The following TXNDC16 variants were observed in gnomAD, a reference collection of about 807,000 sequenced individuals.
TXNDC16 encodes the protein thioredoxin domain containing 16, also known as thioredoxin domain-containing protein 16.
TXNDC16 carries 74 observed loss-of-function variants against 85.6 expected under a neutral mutation model. That is an observed-to-expected ratio of 0.86 (90% confidence interval 0.72 to 1.05). The LOEUF (loss-of-function observed/expected upper bound fraction) is 1.05, where lower values mean the gene tolerates loss of function less well. Ranked by LOEUF, TXNDC16 falls within the 50% of genes least tolerant of loss-of-function variation. The pLI is 0.00. For missense variants in TXNDC16, 959 were observed against 947.0 expected (o/e 1.01, Z -0.17); for synonymous variants, 335 against 326.5 (o/e 1.03, Z -0.28).
At chr14:52,495,847 A>G (rs1374747855) in intron 9 of TXNDC16, among the ~76,000 whole-genome samples, 3 of 152,018 alleles carry the variant, frequency 2.0e-5, no homozygotes, top group Admixed American at 6.6e-5. Flanking sequence ...ATTCCTCTCA[A>G]TCTGAAGACC....
At chr14:52,525,345 T>C (rs1217333774) in intron 6 of TXNDC16, among the ~76,000 whole-genome samples, 1 of 152,046 alleles carries the variant, frequency 6.6e-6, no homozygotes, top group Non-Finnish European at 1.5e-5. Context: ...GCTGCAAGTA[T>C]AACACATAAG....
At chr14:52,517,214 A>C (rs1265399400) in intron 7 of TXNDC16, among the ~76,000 whole-genome samples, 1 of 152,022 alleles carries the variant, frequency 6.6e-6, no homozygotes, top group East Asian at 1.9e-4. Flanking sequence ...AATCTTTATA[A>C]TAATTTCCCT....
chr14:52,532,440 T>C (rs1415240178), intron 6 of TXNDC16, among the ~76,000 whole-genome samples: 1 of 151,864 alleles, frequency 6.6e-6, no homozygotes, highest in Non-Finnish European at 1.5e-5. Flanking sequence ...ACAGTTCAAA[T>C]CTATTTTTTT....
chr14:52,502,777 AT>A (rs1189687913), intron 9 of TXNDC16, among the ~76,000 whole-genome samples: 47 of 152,332 alleles, frequency 3.1e-4, no homozygotes, highest in Non-Finnish European at 8.8e-5. Flanking sequence ...AGGGTGACGC[AT>A]CGCATCACCC....
At chr14:52,503,109 C>T (rs888934377) in intron 9 of TXNDC16, among the ~76,000 whole-genome samples, 4 of 152,226 alleles carry the variant, frequency 2.6e-5, no homozygotes, top group Admixed American at 1.3e-4. Flanking sequence ...CCCACCACAG[C>T]TCAAGGAGGC....
Position 52,552,439 on chromosome 14 carries a change from G to A in TXNDC16, c.-305C>T, listed in dbSNP as rs1349513087. ...CCGTGCCAGACTAGCCGGGTAGCCTGGAACCACTTCGCCAACCTGCAAAGG... is the reference window on the plus strand; with the variant it reads ...CCGTGCCAGACTAGCCGGGTAGCCTAGAACCACTTCGCCAACCTGCAAAGG... On this transcript the variant is annotated 5_prime_UTR_variant, in exon 1 of 21. Coordinates refer to ENST00000281741, the MANE Select transcript of TXNDC16 (RefSeq NM_020784.3). The A allele has an allele frequency of 6.6e-6, 1 of 152,200 alleles. No homozygotes were observed. The highest frequency in any genetic ancestry group is 1.5e-5 in the Non-Finnish European group (1 of 68,052). The allele number at this position is 152,200 out of a possible 1,614,324, so 9.4% of individuals were successfully genotyped here. A position where few individuals can be genotyped will look rare whatever the true frequency, so the allele number is the denominator to read the frequency against.
chr14:52,530,022 T>A (rs1367933507), intron 6 of TXNDC16, among the ~76,000 whole-genome samples: 10 of 105,338 alleles, frequency 9.5e-5, no homozygotes, highest in African/African-American at 3.5e-4. Context: ...ATATATTATA[T>A]GTTATAATTA....
chr14:52,509,802 C>T (rs2036911418), intron 9 of TXNDC16, among the ~76,000 whole-genome samples: 1 of 151,752 alleles, frequency 6.6e-6, no homozygotes, highest in Non-Finnish European at 1.5e-5. Context: ...GACAATAAAA[C>T]CCCATCTCTA....
intron 1 of TXNDC16, among the ~76,000 whole-genome samples, chr14:52,551,750 T>C (rs894425301): frequency 1.3e-5 from 2 of 151,696 alleles, no homozygotes; most frequent in East Asian, 3.9e-4. Context: ...ACACAGCATG[T>C]ATTTTCTCTC....
chr14:52,471,743 C>T (rs577197046), intron 14 of TXNDC16, among the ~76,000 whole-genome samples: 82 of 151,902 alleles, frequency 5.4e-4, no homozygotes, highest in African/African-American at 1.9e-3. Flanking sequence ...CTTCAGATAC[C>T]TATCCTGTCT....
intron 12 of TXNDC16, among the ~76,000 whole-genome samples, chr14:52,484,877 G>A (rs138469996): frequency 7.3e-4 from 111 of 151,484 alleles, no homozygotes; most frequent in Middle Eastern, 3.4e-3. Flanking sequence ...GTGAAACTCT[G>A]TCTCAAAAAA....
At chr14:52,550,981 G>A (rs1339546916) in intron 1 of TXNDC16, among the ~76,000 whole-genome samples, 1 of 152,098 alleles carries the variant, frequency 6.6e-6, no homozygotes, top group African/African-American at 2.4e-5. Flanking sequence ...CCAAAGCATA[G>A]ATGTTGGATT....
intron 18 of TXNDC16, among the ~76,000 whole-genome samples, chr14:52,445,410 C>G (rs1378341603): frequency 2.6e-5 from 4 of 152,100 alleles, no homozygotes. Context: ...AATGTAATGT[C>G]CTTTAGATCA....
At position 52,467,474 on chromosome 14, in the gene TXNDC16, C is replaced by T. The variant is rs577924141; in HGVS notation, c.1618+2563G>A. ...TTCTCCAAAGAATATATACAAATGA[C>T]CAAGAAGCATAATGAAAAGATGCTC... On this transcript the variant is annotated intron_variant, in intron 16 of 20. Coordinates refer to ENST00000281741, the MANE Select transcript of TXNDC16 (RefSeq NM_020784.3). Among the ~76,000 whole-genome samples the T allele has an allele frequency of 9.9e-5, 15 of 152,146 alleles. No homozygotes were observed. The East Asian group carries it at 2.3e-3, about 23-fold the overall frequency.
rs558459671 is a variant in TXNDC16, at chr14:52,459,869, T to G, written c.1619-2695A>C. Among the ~76,000 whole-genome samples, 7 of 152,282 alleles carry G rather than the reference T, an allele frequency of 4.6e-5. No homozygotes were observed. The South Asian group carries it at 1.4e-3, about 32-fold the overall frequency. ...AGGCCTTCAATAAAATACCCCTTCA[T>G]GTTAAAAACTCTCAATATACTAGGT... On this transcript the variant is annotated intron_variant, in intron 16 of 20. Transcript: ENST00000281741.
At chr14:52,476,166 A>C (rs1352617455) in intron 14 of TXNDC16, among the ~76,000 whole-genome samples, 2 of 152,182 alleles carry the variant, frequency 1.3e-5, no homozygotes, top group Admixed American at 6.5e-5. Context: ...GTGGGACAAA[A>C]GGAACTGAAC....
Position 52,512,531 on chromosome 14 carries a change from C to A in TXNDC16, c.606-1141G>T, listed in dbSNP as rs114715034. The stretch of plus-strand genomic sequence containing the variant: ...GAGGAGATTCCTGAATAGTCACATA[C>A]TGCTGAAAGGAAAGTGTTGAGTGCA... On this transcript the variant is annotated intron_variant, in intron 8 of 20. Coordinates refer to ENST00000281741, the MANE Select transcript of TXNDC16 (RefSeq NM_020784.3). Among the ~76,000 whole-genome samples, 502 of 152,242 alleles carry A rather than the reference C, an allele frequency of 3.3e-3. 2 individuals are homozygous for A. Among genetic ancestry groups the A allele is most frequent in the African/African-American group, 0.011 (474 of 41,546 alleles).
At chr14:52,487,162 T>C (rs952728163) in intron 12 of TXNDC16, among the ~76,000 whole-genome samples, 3 of 152,104 alleles carry the variant, frequency 2.0e-5, no homozygotes, top group African/African-American at 7.2e-5. Flanking sequence ...ATTACAGGAA[T>C]AAGCAGGAAA....
chr14:52,541,081 TA>T (rs976793286), intron 4 of TXNDC16, among the ~76,000 whole-genome samples: 1 of 151,788 alleles, frequency 6.6e-6, no homozygotes, highest in Non-Finnish European at 1.5e-5. Context: ...ACTAAAAATA[TA>T]AAAATTAGCC....
Sources: gnomAD v4.1 joint callset for allele counts (sites outside exome capture counted in the v4.1 genomes callset) on GRCh38, gnomAD v4.1.1 for gene constraint, MANE v1.5 for transcripts, NCBI Gene and HGNC (gene_info 2026-07-23, HGNC 2026-07-21) for gene names.